The following NRG3 variants were observed in gnomAD, a reference collection of about 807,000 sequenced individuals.
The protein encoded by NRG3 is neuregulin 3, also known as pro-neuregulin-3, membrane-bound isoform.
NRG3 carries 31 observed loss-of-function variants against 66.9 expected under a neutral mutation model. That is an observed-to-expected ratio of 0.46 (90% CI 0.35 to 0.63). The LOEUF is 0.63. Ranked by LOEUF, NRG3 falls within the 20% of genes least tolerant of loss-of-function variation. NRG3 has a pLI of 0.00. For missense variants in NRG3, 910 were observed against 878.9 expected (o/e 1.04, Z -0.45); for synonymous variants, 393 against 359.4 (o/e 1.09, Z -1.06).
intron 2 of NRG3, among the ~76,000 whole-genome samples, chr10:82,574,019 C>T (rs1034683802): frequency 2.0e-5 from 3 of 151,626 alleles, no homozygotes; most frequent in Non-Finnish European, 4.4e-5. Flanking sequence ...ATGATCCAAC[C>T]AATCCACTGC....
rs1246176039 is a variant in NRG3, at chr10:81,980,181, G to A, written c.823+104018G>A. 2.0e-5 allele frequency among the ~76,000 whole-genome samples: 3 copies of A among 151,194 alleles called. No homozygotes were observed. In the East Asian group the frequency reaches 5.8e-4, roughly 29 times the overall value. The stretch of plus-strand genomic sequence containing the variant: ...CTTGATAAAGAATTCAAGCTTCTTT[G>A]TACTTTGTAGGAGTTGGAGATTTTT... On this transcript the variant is annotated intron_variant, in intron 1 of 8. Transcript: ENST00000372141.
intron 1 of NRG3, among the ~76,000 whole-genome samples, chr10:82,060,557 G>A (rs942937538): frequency 1.8e-4 from 28 of 152,194 alleles, no homozygotes; most frequent in African/African-American, 6.8e-4. Context: ...TTTCAAGAAT[G>A]TGCTTTAATT....
intron 2 of NRG3, among the ~76,000 whole-genome samples, chr10:82,631,570 C>G (rs1467484804): frequency 3.3e-5 from 5 of 150,520 alleles, no homozygotes; most frequent in Non-Finnish European, 5.9e-5. Flanking sequence ...TGGGCATCCC[C>G]AGATGCCTTC....
intron 1 of NRG3, among the ~76,000 whole-genome samples, chr10:81,940,422 T>C (rs1848307969): frequency 6.6e-6 from 1 of 152,084 alleles, no homozygotes; most frequent in Non-Finnish European, 1.5e-5. Flanking sequence ...CATAGCTCAA[T>C]GCAGCCTTGA....
At chr10:82,818,348 C>T (rs12265039) in intron 3 of NRG3, among the ~76,000 whole-genome samples, 63,178 of 151,960 alleles carry the variant, frequency 0.42, 14,083 homozygotes, top group African/African-American at 0.59. Flanking sequence ...CTGCAAGTCT[C>T]CTACTTCAGG....
chr10:82,026,349 A>G (rs1249411277), intron 1 of NRG3, among the ~76,000 whole-genome samples: 4 of 152,054 alleles, frequency 2.6e-5, no homozygotes, highest in Admixed American at 6.6e-5. Context: ...AAATATTGTT[A>G]TGGACACTGT....
intron 1 of NRG3, among the ~76,000 whole-genome samples, chr10:81,959,027 A>G (rs570039160): frequency 1.3e-5 from 2 of 152,224 alleles, no homozygotes; most frequent in Non-Finnish European, 2.9e-5. Context: ...GATGAAATGA[A>G]TATTTCAGAA....
intron 1 of NRG3, among the ~76,000 whole-genome samples, chr10:82,176,184 T>G (rs1589221593): frequency 1.3e-5 from 2 of 152,188 alleles, no homozygotes; most frequent in African/African-American, 4.8e-5. Flanking sequence ...CCAGATCTAT[T>G]GGCTTTAGAA....
Position 82,052,686 on chromosome 10 carries a change from G to T in NRG3, c.823+176523G>T, listed in dbSNP as rs368805957. Among the ~76,000 whole-genome samples, 14 of 152,260 alleles carry T rather than the reference G, an allele frequency of 9.2e-5. No homozygotes were observed. In the South Asian group the frequency reaches 1.0e-3, roughly 11 times the overall value. The stretch of plus-strand genomic sequence containing the variant: ...TCTAACAAGAAACTAATAGCGTGTA[G>T]CTTAGTTCAACAGTGGTAAGTGGAG... On this transcript the variant is annotated intron_variant, in intron 1 of 8. Coordinates refer to ENST00000372141, the MANE Select transcript of NRG3 (RefSeq NM_001010848.4).
intron 8 of NRG3, among the ~76,000 whole-genome samples, chr10:82,979,956 C>T (rs1274424287): frequency 6.6e-6 from 1 of 152,158 alleles, no homozygotes; most frequent in South Asian, 2.1e-4. Context: ...ATAGTCCCAG[C>T]ACTTTGGGAG....
intron 2 of NRG3, among the ~76,000 whole-genome samples, chr10:82,601,877 A>T (rs1175441627): frequency 6.8e-6 from 1 of 146,500 alleles, no homozygotes; most frequent in Non-Finnish European, 1.5e-5. Context: ...TATATATATA[A>T]CTATATATAC....
Position 82,946,945 on chromosome 10 carries a change from T to C in NRG3, c.1055-4524T>C, listed in dbSNP as rs114255197. On this transcript the variant is annotated intron_variant, in intron 4 of 8. Transcript: ENST00000372141. ...GTATTCTTTTGTACCCTAGGATTAA[T>C]ATTTTTGCAGCTATAGTTGACATAA... is the stretch of plus-strand genomic sequence containing the variant. Among the ~76,000 whole-genome samples, 535 of 152,314 alleles carry C rather than the reference T, an allele frequency of 3.5e-3. 8 individuals carry two copies. Among genetic ancestry groups the C allele is most frequent in the African/African-American group, 0.012 (504 of 41,572 alleles).
chr10:82,780,480 CTTTTTT>C (rs150086019), intron 3 of NRG3, among the ~76,000 whole-genome samples: 2 of 106,102 alleles, frequency 1.9e-5, no homozygotes, highest in Admixed American at 1.0e-4. Flanking sequence ...TTTTTCTTTT[CTTTTTT>C]TTTTTTTTTT....
chr10:82,506,327 G>C (rs955541269), intron 2 of NRG3, among the ~76,000 whole-genome samples: 77 of 152,328 alleles, frequency 5.1e-4, no homozygotes, highest in African/African-American at 1.8e-3. Context: ...TGCCTCTTCA[G>C]ACAAGGTACT....
chr10:81,908,146 A>G (rs1192267865), intron 1 of NRG3, among the ~76,000 whole-genome samples: 1 of 152,152 alleles, frequency 6.6e-6, no homozygotes, highest in Non-Finnish European at 1.5e-5. Context: ...CCTCCAAGTT[A>G]TTTCAATGTT....
At chr10:81,979,564 T>C (rs964160637) in intron 1 of NRG3, among the ~76,000 whole-genome samples, 3 of 152,308 alleles carry the variant, frequency 2.0e-5, no homozygotes, top group African/African-American at 7.2e-5. Context: ...GTTTAGATTG[T>C]TGGTTTTTAT....
chr10:82,396,607 T>C (rs928223383), intron 2 of NRG3, among the ~76,000 whole-genome samples: 1 of 152,224 alleles, frequency 6.6e-6, no homozygotes, highest in African/African-American at 2.4e-5. Flanking sequence ...TGATTGGTCA[T>C]TGGTCATGAA....
At chr10:82,770,482 A>G (rs1433449376) in intron 3 of NRG3, among the ~76,000 whole-genome samples, 1 of 152,082 alleles carries the variant, frequency 6.6e-6, no homozygotes, top group Non-Finnish European at 1.5e-5. Context: ...GTCAACACAA[A>G]CGGACATCCT....
intron 1 of NRG3, among the ~76,000 whole-genome samples, chr10:82,141,183 G>A (rs1300725606): frequency 6.6e-6 from 1 of 152,064 alleles, no homozygotes. Flanking sequence ...TTCTATCATA[G>A]GGTTATGTGT....
Sources: allele counts gnomAD v4.1 joint callset (sites outside exome capture counted in the v4.1 genomes callset), GRCh38; gene constraint gnomAD v4.1.1; transcripts MANE v1.5; gene names NCBI Gene and HGNC (gene_info 2026-07-23, HGNC 2026-07-21).